Variants in ARSJ observed in about 807,000 individuals in gnomAD.
The protein encoded by ARSJ is arylsulfatase J.
Under a neutral mutation model 35.9 loss-of-function variants are expected in ARSJ, and 26 were observed. That is an observed-to-expected ratio of 0.72 (90% confidence interval 0.53 to 1.00). The LOEUF is 1.00. ARSJ is among the 50% of genes least tolerant of loss of function. ARSJ has a pLI of 0.00. For missense variants in ARSJ, 667 were observed against 723.6 expected (o/e 0.92, Z 0.90); for synonymous variants, 294 against 267.6 (o/e 1.10, Z -0.96).
intron 1 of ARSJ, among the ~76,000 whole-genome samples, chr4:113,957,505 T>C (rs952807464): frequency 6.6e-6 from 1 of 151,576 alleles, no homozygotes; most frequent in African/African-American, 2.4e-5. Context: ...CTGAAACAAA[T>C]GTGGTCTTTT....
intron 1 of ARSJ, among the ~76,000 whole-genome samples, chr4:113,924,228 C>T (rs1392181911): frequency 6.6e-6 from 1 of 151,270 alleles, no homozygotes; most frequent in African/African-American, 2.4e-5. Flanking sequence ...AACTGAAGAA[C>T]TTGGAGTCCA....
intron 1 of ARSJ, among the ~76,000 whole-genome samples, chr4:113,906,130 G>T (rs1006231258): frequency 4.3e-4 from 66 of 152,262 alleles, no homozygotes; most frequent in African/African-American, 1.5e-3. Context: ...AAACTTGGAG[G>T]AAATTAAAAA....
chr4:113,950,693 A>G (rs2149274949), intron 1 of ARSJ, among the ~76,000 whole-genome samples: 1 of 152,226 alleles, frequency 6.6e-6, no homozygotes, highest in Non-Finnish European at 1.5e-5. Context: ...GAATATTAAA[A>G]TATTACACAT....
At chr4:113,964,551 A>G (rs900354266) in intron 1 of ARSJ, among the ~76,000 whole-genome samples, 2 of 152,242 alleles carry the variant, frequency 1.3e-5, no homozygotes, top group Non-Finnish European at 2.9e-5. Flanking sequence ...TAAGCTTTCA[A>G]CTGCAGACTT....
At chr4:113,953,769 G>T (rs1192140322) in intron 1 of ARSJ, among the ~76,000 whole-genome samples, 1 of 152,010 alleles carries the variant, frequency 6.6e-6, no homozygotes, top group East Asian at 1.9e-4. Context: ...GGGATAAAAT[G>T]ATCAGTAGCA....
At chr4:113,924,249 G>A (rs1723912851) in intron 1 of ARSJ, among the ~76,000 whole-genome samples, 1 of 151,372 alleles carries the variant, frequency 6.6e-6, no homozygotes, top group Non-Finnish European at 1.5e-5. Flanking sequence ...ACGTTCGAGG[G>A]CAGGAAGCAG....
At position 113,979,080 on chromosome 4, in the gene ARSJ, C is replaced by T. The variant is rs898498723; in HGVS notation, c.-246G>A. 2 of 400,876 alleles carry T rather than the reference C, an allele frequency of 5.0e-6. No individual in the cohort carries two copies. The highest frequency in any genetic ancestry group is 8.8e-6 in the Non-Finnish European group (2 of 226,554). The allele number at this position is 400,876 out of a possible 1,614,324, so 24.8% of individuals were successfully genotyped here. A position where few individuals can be genotyped will look rare whatever the true frequency, so the allele number is the denominator to read the frequency against. On this transcript the variant is annotated 5_prime_UTR_variant, in exon 1 of 2. Transcript: ENST00000315366. ...TTTCACTTTCTCCTCCTCCTCCCCC[C>T]TCCCTAGAGCAGCTTCCACCAAGGA... is the stretch of plus-strand genomic sequence containing the variant.
intron 1 of ARSJ, among the ~76,000 whole-genome samples, chr4:113,933,720 T>C (rs1365943307): frequency 6.6e-6 from 1 of 151,782 alleles, no homozygotes; most frequent in Admixed American, 6.6e-5. Flanking sequence ...TGAAGGAACA[T>C]ACTTTAAAAT....
At chr4:113,911,799 A>G (rs2149252491) in intron 1 of ARSJ, among the ~76,000 whole-genome samples, 1 of 152,332 alleles carries the variant, frequency 6.6e-6, no homozygotes, top group South Asian at 2.1e-4. Flanking sequence ...TTTGACGAAT[A>G]CATTTTAGCT....
chr4:113,940,774 T>G (rs1053925354), intron 1 of ARSJ, among the ~76,000 whole-genome samples: 11 of 152,006 alleles, frequency 7.2e-5, no homozygotes, highest in African/African-American at 2.7e-4. Context: ...AATAGTAAAT[T>G]CAACATGGAT....
At chr4:113,967,776 T>C (rs887380576) in intron 1 of ARSJ, among the ~76,000 whole-genome samples, 1 of 152,202 alleles carries the variant, frequency 6.6e-6, no homozygotes, top group African/African-American at 2.4e-5. Flanking sequence ...GGTAATATGA[T>C]GTTAACAATT....
intron 1 of ARSJ, among the ~76,000 whole-genome samples, chr4:113,974,674 G>A (rs1246834125): frequency 6.6e-6 from 1 of 152,122 alleles, no homozygotes; most frequent in Non-Finnish European, 1.5e-5. Context: ...AATACTAAAT[G>A]TTGACAAAGA....
chr4:113,960,915 T>G (rs767426081), intron 1 of ARSJ, among the ~76,000 whole-genome samples: 2 of 152,136 alleles, frequency 1.3e-5, no homozygotes, highest in Non-Finnish European at 2.9e-5. Flanking sequence ...TTGTTTTATA[T>G]GCTGGACTTC....
At chr4:113,928,064 G>A (rs1562348671) in intron 1 of ARSJ, among the ~76,000 whole-genome samples, 1 of 152,096 alleles carries the variant, frequency 6.6e-6, no homozygotes, top group Non-Finnish European at 1.5e-5. Flanking sequence ...GGACACATTG[G>A]ACCCTCTGTA....
At chr4:113,906,782 G>A (rs183098886) in intron 1 of ARSJ, 110 of 455,456 alleles carry the variant, frequency 2.4e-4, no homozygotes, top group Non-Finnish European at 4.0e-4. Context: ...TTGGGTTGCT[G>A]CAAGCATTGG....
chr4:113,944,224 A>T (rs1392592836), intron 1 of ARSJ: 1 of 152,022 alleles, frequency 6.6e-6, no homozygotes, highest in African/African-American at 2.4e-5. Flanking sequence ...TTATTTATGA[A>T]TCTGTATGGA....
chr4:113,958,599 A>G (rs1159539522), intron 1 of ARSJ, among the ~76,000 whole-genome samples: 1 of 152,070 alleles, frequency 6.6e-6, no homozygotes, highest in East Asian at 1.9e-4. Flanking sequence ...CTCTATGGAT[A>G]TTAACCTGCA....
At chr4:113,919,106 T>C (rs1286563300) in intron 1 of ARSJ, among the ~76,000 whole-genome samples, 1 of 152,120 alleles carries the variant, frequency 6.6e-6, no homozygotes, top group Non-Finnish European at 1.5e-5. Flanking sequence ...TAAATAAATA[T>C]AAAAATACCA....
chr4:113,915,841 T>C (rs1266573709), intron 1 of ARSJ, among the ~76,000 whole-genome samples: 1 of 152,192 alleles, frequency 6.6e-6, no homozygotes, highest in Non-Finnish European at 1.5e-5. Context: ...TCTACAACAA[T>C]AGAGATCATA....
Sources: allele counts gnomAD v4.1 joint callset (sites outside exome capture counted in the v4.1 genomes callset), GRCh38; gene constraint gnomAD v4.1.1; transcripts MANE v1.5; gene names NCBI Gene and HGNC (gene_info 2026-07-23, HGNC 2026-07-21).